SZT2: variants seen among roughly 807,000 people sequenced by gnomAD.
The protein encoded by SZT2 is SZT2 subunit of KICSTOR complex, also known as KICSTOR complex protein SZT2.
A neutral mutation model predicts 404.2 loss-of-function variants in SZT2; 216 were observed. The observed-to-expected ratio is 0.53, with a 90% CI of 0.48 to 0.60. The LOEUF is 0.60. SZT2 is among the 20% of genes least tolerant of loss of function. SZT2 has a pLI of 0.00. For synonymous variants in SZT2, 1,693 were observed against 1,749.9 expected, an observed-to-expected ratio of 0.97 and a Z score of 0.81; for missense variants, 3,857 against 4,459.2, an observed-to-expected ratio of 0.86 and a Z score of 3.85.
rs754268805 is a variant in SZT2, at chr1:43,435,245, C to T, written c.5950C>T (p.Leu1984Phe). The T allele has an allele frequency of 6.2e-7, 1 of 1,614,244 alleles. No individual in the cohort carries two copies. The highest frequency in any genetic ancestry group is 8.5e-7 in the Non-Finnish European group (1 of 1,180,050). The change falls in exon 42 of 72, where the codon CTT becomes TTT. Residue 1984 changes from leucine to phenylalanine, a missense_variant. This residue lies in a region of SZT2 where 1,725 missense variants were observed against 1,881.0 expected (regional missense o/e 0.92). Coordinates refer to ENST00000634258, the MANE Select transcript of SZT2 (RefSeq NM_001365999.1). ...TCATGACAGCCACGTGTGTAACTCT[C>T]TTCTGGTGGCCGAGAGTGAAGAAGA... ...DLHDSHVCNS[L>F]LVAESEEDLW...
rs771086530 is a variant in SZT2 at position 43,439,907 on chromosome 1, T to C, written c.7069T>C (p.Leu2357=). Residue 2357 remains leucine, a synonymous_variant, in exon 51 of 72, where the codon TTG becomes CTG. Transcript: ENST00000634258. The surrounding 1 kb of genome is among the most constrained non-coding windows in gnomAD (Gnocchi z 4.2). ...TCAGAATGGGGCCCCACGGCTTCGATTGGATGTGTGGGAAAAGGGGAACAT... is the reference window on the plus strand; with the variant it reads ...TCAGAATGGGGCCCCACGGCTTCGACTGGATGTGTGGGAAAAGGGGAACAT... ...SAQNGAPRLR[L]DVWEKGNISI... is the part of the protein sequence containing the mutation. 139 of 1,607,868 alleles carry C rather than the reference T, an allele frequency of 8.6e-5. No individual in the cohort carries two copies. Among genetic ancestry groups the C allele is most frequent in the Middle Eastern group, 5.0e-4 (3 of 6,024 alleles).
Position 43,430,605 on chromosome 1 carries a change from G to A in SZT2, c.4590G>A (p.Ser1530=), listed in dbSNP as rs771463235. 5.6e-6 allele frequency: 9 copies of A among 1,614,066 alleles called. No homozygotes were observed. The highest frequency in any genetic ancestry group is 3.3e-5 in the Admixed American group (2 of 60,008). Residue 1530 remains serine, a synonymous_variant, in exon 32 of 72, where the codon TCG becomes TCA. Transcript: ENST00000634258. ...GGCCTGCTGGGCTAGACTCTGCCTC[G>A]CTGTCAGACGTAGACACTGTGAATC... ...DLGPAGLDSA[S]LSDVDTVNPD... is the part of the protein sequence containing the mutation.
intron 12 of SZT2, 32 bp downstream of exon 12, chr1:43,422,257 G>A: frequency 6.4e-7 from 1 of 1,555,160 alleles, no homozygotes; most frequent in East Asian, 2.3e-5. Flanking sequence ...CCATAGTTGG[G>A]GTGGAGTATC....
rs373694748 is a variant in SZT2, at chr1:43,453,027, C to T, written c.*2547C>T. 7.0e-6 allele frequency: 10 copies of T among 1,423,226 alleles called. No individual in the cohort carries two copies. The highest frequency in any genetic ancestry group is 4.8e-5 in the South Asian group (4 of 83,902). 88.2% of individuals were successfully genotyped at this position (1,423,226 alleles called of 1,614,324 possible). A position where few individuals can be genotyped will look rare whatever the true frequency, so the allele number is the denominator to read the frequency against. ...CTCCTTGAAGACAGTCCAAGCATCACTACCTGTAAGCAGCTTTCTCTGATC... is the reference window on the plus strand; with the variant it reads ...CTCCTTGAAGACAGTCCAAGCATCATTACCTGTAAGCAGCTTTCTCTGATC... On this transcript the variant is annotated 3_prime_UTR_variant, in exon 72 of 72. Coordinates refer to ENST00000634258, the MANE Select transcript of SZT2 (RefSeq NM_001365999.1).
intron 7 of SZT2, among the ~76,000 whole-genome samples, chr1:43,418,957 G>A (rs897143867): frequency 1.2e-4 from 18 of 152,250 alleles, no homozygotes; most frequent in African/African-American, 3.1e-4. Flanking sequence ...AAGAGCCAGC[G>A]TGTAGCCTAT....
chr1:43,452,354 T>G lies in SZT2; in HGVS notation c.*1874T>G. 1 of 1,516,660 alleles carries G rather than the reference T, an allele frequency of 6.6e-7. No individual in the cohort carries two copies. The highest frequency in any genetic ancestry group is 1.4e-5 in the African/African-American group (1 of 73,074). 94.0% of individuals were successfully genotyped at this position (1,516,660 alleles called of 1,614,324 possible). ...AGATGGACTGGAGGCCTTGCCTCCC[T>G]TGGCTCTCTCTGCACCTCTTCCAGG... On this transcript the variant is annotated 3_prime_UTR_variant, in exon 72 of 72. Coordinates refer to ENST00000634258, the MANE Select transcript of SZT2 (RefSeq NM_001365999.1).
rs543976600 is a variant in SZT2, at chr1:43,431,631, A to C, written c.5089-85A>C. 2.0e-5 allele frequency: 32 copies of C among 1,600,112 alleles called. No homozygotes were observed. In the African/African-American group the frequency reaches 4.2e-4, roughly 21 times the overall value. ...GAAGTGAGGCCTCTCTCAGTCTGTG[A>C]GGCAAATTATCTTCTAGTCCGGGAG... On this transcript the variant is annotated intron_variant, in intron 35 of 71. Coordinates refer to ENST00000634258, the MANE Select transcript of SZT2 (RefSeq NM_001365999.1).
At chr1:43,413,041 G>A (rs2494997) in intron 4 of SZT2, among the ~76,000 whole-genome samples, 2 of 152,100 alleles carry the variant, frequency 1.3e-5, no homozygotes, top group African/African-American at 2.4e-5. Context: ...AAAAGGTAAC[G>A]TTGTGCACTC....
Position 43,430,091 on chromosome 1 carries a change from C to T in SZT2, c.4389C>T (p.Ser1463=). Residue 1463 remains serine, a synonymous_variant, in exon 30 of 72, where the codon TCC becomes TCT. Transcript: ENST00000634258. ...ACTACTTCTTCTATTGCCCTCCATC[C>T]AGCAGGCGAGAAGTGAGTGGCTCTC... ...NPHYFFYCPP[S]SRREDEGPRD... is the part of the protein sequence containing the mutation. 1 of 1,614,172 alleles carries T rather than the reference C, an allele frequency of 6.2e-7. No homozygotes were observed. The highest frequency in any genetic ancestry group is 8.5e-7 in the Non-Finnish European group (1 of 1,180,018).
In SZT2 at chr1:43,426,724, G is replaced by T; in HGVS notation, c.3224G>T (p.Gly1075Val). ...TCTACCCCCATTGTAGGTGCCGAGG[G>T]GCCACTGCTGGGGGTTCATGGGATC... ...RRTCHVPGAEGPLLGVHGIPK... is the reference protein window; with the variant it reads ...RRTCHVPGAEVPLLGVHGIPK... The change falls in exon 23 of 72, where the codon GGG (glycine) becomes GTG (valine). Residue 1075 changes from glycine to valine, a missense_variant. Gly to Val is a moderately radical substitution (Grantham distance 109). This residue lies in a region of SZT2 where 1,725 missense variants were observed against 1,881.0 expected (regional missense o/e 0.92). Transcript: ENST00000634258. The surrounding 1 kb of genome is among the most constrained non-coding windows in gnomAD (Gnocchi z 4.9). 1 of 1,611,434 alleles carries T rather than the reference G, an allele frequency of 6.2e-7. No individual in the cohort carries two copies.
rs1654834901 is a variant in SZT2, at chr1:43,439,526, G to A, written c.6878-79G>A. The A allele has an allele frequency of 6.2e-7, 1 of 1,601,864 alleles. No individual in the cohort carries two copies. Among genetic ancestry groups the A allele is most frequent in the African/African-American group, 1.3e-5 (1 of 74,630 alleles). On this transcript the variant is annotated intron_variant, in intron 49 of 71. Transcript: ENST00000634258. The surrounding 1 kb of genome is among the most constrained non-coding windows in gnomAD (Gnocchi z 4.2). ...CTATTGCTAAGAGGACATTTCCCAG[G>A]CTTGCAGCTGAGTGGAGGGTCGTGG... is the stretch of plus-strand genomic sequence containing the variant.
chr1:43,425,920 C>T lies in SZT2; in HGVS notation c.2900C>T (p.Pro967Leu), dbSNP rs757209437. Reference sequence around the variant, plus strand: ...CTGTGTCAGAGCAAGGAATGGGGTCCTCTGCCCCCAGAGCCGAGGGTCTCT... The same window carrying T: ...CTGTGTCAGAGCAAGGAATGGGGTCTTCTGCCCCCAGAGCCGAGGGTCTCT... ...IQLCQSKEWG[P>L]LPPEPRVSDG... Residue 967 changes from proline to leucine, a missense_variant, in exon 20 of 72, where the codon CCT becomes CTT. This residue lies in a region of SZT2 where 1,725 missense variants were observed against 1,881.0 expected (regional missense o/e 0.92). Transcript: ENST00000634258. This position sits in a 1 kb window ranked among gnomAD's most constrained non-coding sequence, Gnocchi z 4.3. 3.7e-6 allele frequency: 6 copies of T among 1,614,018 alleles called. No homozygotes were observed. The African/African-American group carries it at 6.7e-5, about 18-fold the overall frequency.
intron 42 of SZT2, 44 bp downstream of exon 42, chr1:43,435,373 GC>G: frequency 6.2e-7 from 1 of 1,607,148 alleles, no homozygotes; most frequent in Non-Finnish European, 8.5e-7. Context: ...CAGTGCTGCC[GC>G]CCTTTCTTTT....
rs1402625151 is a variant in SZT2, at chr1:43,389,929, A to G, written c.-40A>G. The G allele has an allele frequency of 6.6e-7, 1 of 1,506,774 alleles. No individual in the cohort carries two copies. The highest frequency in any genetic ancestry group is 8.9e-7 in the Non-Finnish European group (1 of 1,127,562). 93.3% of individuals were successfully genotyped at this position (1,506,774 alleles called of 1,614,324 possible). On this transcript the variant is annotated 5_prime_UTR_variant, in exon 1 of 72. Coordinates refer to ENST00000634258, the MANE Select transcript of SZT2 (RefSeq NM_001365999.1). ...AGCGAGGTCAGGGGTCAAGAGTGGA[A>G]CACCCTCACTGGCCCGGGCCGGCGC...
chr1:43,448,153 G>T lies in SZT2; in HGVS notation c.9638G>T (p.Arg3213Leu). 1.9e-6 allele frequency: 3 copies of T among 1,610,578 alleles called. No homozygotes were observed. The highest frequency in any genetic ancestry group is 2.2e-5 in the East Asian group (1 of 44,766). The change falls in exon 69 of 72, where the codon CGG becomes CTG. Residue 3213 changes from arginine to leucine, a missense_variant. By Grantham distance (102) the Arg-to-Leu change is moderately radical. Transcript: ENST00000634258. This position sits in a 1 kb window ranked among gnomAD's most constrained non-coding sequence, Gnocchi z 4.2. ...CTCACTGCTGACATGCGCCGCTTCC[G>T]GAAGCCACCCAGACTGCCCCCTGAG... is the stretch of plus-strand genomic sequence containing the variant. ...PRLTADMRRF[R>L]KPPRLPPEPE...
At position 43,437,536 on chromosome 1, in the gene SZT2, G is replaced by C. The variant is rs1245494368; in HGVS notation, c.6290+28G>C. On this transcript the variant is annotated intron_variant, in intron 44 of 71. Coordinates refer to ENST00000634258, the MANE Select transcript of SZT2 (RefSeq NM_001365999.1). The surrounding 1 kb of genome is among the most constrained non-coding windows in gnomAD (Gnocchi z 5.3). ...ATGTGGCCCTTGGAAGGTGGGTAGGGCATGAATTAAGGATGGCCTGGGAGG... is the reference window on the plus strand; with the variant it reads ...ATGTGGCCCTTGGAAGGTGGGTAGGCCATGAATTAAGGATGGCCTGGGAGG... 6.2e-7 allele frequency: 1 copy of C among 1,613,914 alleles called. No individual in the cohort carries two copies. The highest frequency in any genetic ancestry group is 1.3e-5 in the African/African-American group (1 of 74,922).
At chr1:43,430,269 T>C in intron 30 of SZT2, 42 bp from the exon 31 acceptor site, 1 of 1,600,734 alleles carries the variant, frequency 6.2e-7, no homozygotes, top group Non-Finnish European at 8.6e-7. Context: ...ATGAGGCAAG[T>C]GGGATTCTTG....
chr1:43,404,658 G>T, intron 4 of SZT2, 108 bp downstream of exon 4: 1 of 1,220,458 alleles, frequency 8.2e-7, no homozygotes, highest in South Asian at 1.5e-5. Flanking sequence ...CCCGAGCTCT[G>T]CTGGCTTCTT....
At chr1:43,447,764 G>A in intron 67 of SZT2, 66 bp downstream of exon 67, 1 of 1,610,746 alleles carries the variant, frequency 6.2e-7, no homozygotes, top group Non-Finnish European at 8.5e-7. Flanking sequence ...ACTTGCAGTA[G>A]GGAGACCAAT....
Sources: gnomAD v4.1 joint callset for allele counts (sites outside exome capture counted in the v4.1 genomes callset) on GRCh38, gnomAD v4.1.1 for gene constraint, gnomAD v4.1.1 regional missense constraint, Gnocchi (gnomAD v3.1) non-coding constraint, MANE v1.5 for transcripts, NCBI Gene and HGNC (gene_info 2026-07-23, HGNC 2026-07-21) for gene names.